Variants in ULK4 observed in about 807,000 individuals in gnomAD.
The protein encoded by ULK4 is unc-51 like kinase 4.
A neutral mutation model predicts 160.6 loss-of-function variants in ULK4; 133 were observed. The observed-to-expected ratio is 0.83, with a 90% CI of 0.72 to 0.96. ULK4 has a LOEUF of 0.96. Among genes scored for constraint, ULK4 ranks in the 40% least tolerant of loss-of-function variants. The pLI is 0.00. For synonymous variants in ULK4, 534 were observed against 539.8 expected (o/e 0.99, Z 0.15); for missense variants, 1,580 against 1,499.5 (o/e 1.05, Z -0.89).
intron 32 of ULK4, among the ~76,000 whole-genome samples, chr3:41,535,691 G>A (rs1041793346): frequency 1.3e-5 from 2 of 152,134 alleles, no homozygotes; most frequent in Non-Finnish European, 2.9e-5. Context: ...CACACTATGG[G>A]TTTGCAAACG....
chr3:41,798,752 AG>A (rs1299623380), intron 20 of ULK4, among the ~76,000 whole-genome samples: 1 of 151,524 alleles, frequency 6.6e-6, no homozygotes, highest in Admixed American at 6.6e-5. Flanking sequence ...CGTGTTGTTG[AG>A]GGGGCAGGGG....
intron 20 of ULK4, among the ~76,000 whole-genome samples, chr3:41,798,507 T>C (rs575121370): frequency 5.3e-5 from 8 of 152,282 alleles, no homozygotes; most frequent in South Asian, 4.2e-4. Flanking sequence ...TTTATATCCA[T>C]TGATCTTCAA....
chr3:41,673,459 G>A (rs1276717857), intron 29 of ULK4, among the ~76,000 whole-genome samples: 1 of 151,922 alleles, frequency 6.6e-6, no homozygotes, highest in African/African-American at 2.4e-5. Context: ...TAATTTGTAA[G>A]GAATATATCC....
At chr3:41,774,503 C>A (rs1270466701) in intron 21 of ULK4, among the ~76,000 whole-genome samples, 1 of 149,360 alleles carries the variant, frequency 6.7e-6, no homozygotes, top group Non-Finnish European at 1.5e-5. Flanking sequence ...CAGAGAAATG[C>A]AAATCAAAAC....
chr3:41,337,096 T>C (rs186957392), intron 35 of ULK4, among the ~76,000 whole-genome samples: 1 of 152,268 alleles, frequency 6.6e-6, no homozygotes, highest in African/African-American at 2.4e-5. Flanking sequence ...AGAGACTACA[T>C]GCCGCATCAT....
chr3:41,476,147 T>G (rs866298492), intron 32 of ULK4, among the ~76,000 whole-genome samples: 14 of 152,144 alleles, frequency 9.2e-5, no homozygotes, highest in South Asian at 2.1e-4. Context: ...CAGTGGTCCA[T>G]AACCCCTAAG....
intron 35 of ULK4, among the ~76,000 whole-genome samples, chr3:41,260,617 C>T (rs2078921113): frequency 6.6e-6 from 1 of 152,170 alleles, no homozygotes; most frequent in African/African-American, 2.4e-5. Flanking sequence ...AGAGGTGTCC[C>T]TAAGGATTCC....
At chr3:41,409,062 C>T (rs923792881) in intron 34 of ULK4, among the ~76,000 whole-genome samples, 6 of 151,988 alleles carry the variant, frequency 3.9e-5, no homozygotes, top group Non-Finnish European at 8.8e-5. Flanking sequence ...TTGACAACAG[C>T]CTGGGGAACG....
chr3:41,827,132 C>T (rs1299389948), intron 18 of ULK4, among the ~76,000 whole-genome samples: 1 of 144,144 alleles, frequency 6.9e-6, no homozygotes, highest in East Asian at 2.0e-4. Context: ...ACACAACATA[C>T]CAGAATACCT....
chr3:41,301,220 G>A (rs901115651), intron 35 of ULK4, among the ~76,000 whole-genome samples: 5 of 151,962 alleles, frequency 3.3e-5, no homozygotes, highest in Non-Finnish European at 7.3e-5. Flanking sequence ...ATACCCTGCA[G>A]GGATGGTGCT....
intron 16 of ULK4, among the ~76,000 whole-genome samples, chr3:41,891,465 A>G (rs532789452): frequency 6.6e-6 from 1 of 151,504 alleles, no homozygotes; most frequent in Admixed American, 6.6e-5. Flanking sequence ...AGCTAACTCA[A>G]ACAAGTCACA....
intron 27 of ULK4, among the ~76,000 whole-genome samples, chr3:41,690,504 C>G (rs2036260209): frequency 6.6e-6 from 1 of 151,434 alleles, no homozygotes; most frequent in South Asian, 2.1e-4. Context: ...AGGCCTTCTT[C>G]CTTCACAAGC....
intron 32 of ULK4, among the ~76,000 whole-genome samples, chr3:41,564,208 A>AATGCAGAACAGCAAG (rs1559398050): frequency 3.3e-5 from 5 of 151,822 alleles, no homozygotes; most frequent in Non-Finnish European, 5.9e-5. Context: ...AGAACAGCAA[A>AATGCAGAACAGCAAG]TAATGCAGAA....
intron 2 of ULK4, among the ~76,000 whole-genome samples, chr3:41,946,458 C>T (rs991106530): frequency 7.2e-5 from 11 of 152,182 alleles, no homozygotes; most frequent in African/African-American, 2.7e-4. Flanking sequence ...TTGGATATTA[C>T]ATGACTGCAT....
At chr3:41,541,124 T>A (rs1433808302) in intron 32 of ULK4, among the ~76,000 whole-genome samples, 1 of 152,216 alleles carries the variant, frequency 6.6e-6, no homozygotes, top group Non-Finnish European at 1.5e-5. Flanking sequence ...TCCTGAATGG[T>A]ATTGCTCAGG....
intron 16 of ULK4, among the ~76,000 whole-genome samples, chr3:41,892,469 TAAAC>T (rs1298592279): frequency 2.6e-5 from 4 of 152,138 alleles, no homozygotes; most frequent in African/African-American, 9.7e-5. Context: ...GATGAAAAGA[TAAAC>T]AAAATGTAGT....
chr3:41,530,668 G>T (rs915899314), intron 32 of ULK4, among the ~76,000 whole-genome samples: 1 of 152,184 alleles, frequency 6.6e-6, no homozygotes, highest in Non-Finnish European at 1.5e-5. Flanking sequence ...ATTTCACTGA[G>T]TTATGGTGGT....
intron 35 of ULK4, among the ~76,000 whole-genome samples, chr3:41,355,737 A>G (rs924664344): frequency 2.6e-5 from 4 of 152,244 alleles, no homozygotes; most frequent in Non-Finnish European, 5.9e-5. Flanking sequence ...GGAATAGTGC[A>G]TCACCACAGA....
intron 32 of ULK4, among the ~76,000 whole-genome samples, chr3:41,505,581 A>T (rs1410623273): frequency 6.6e-6 from 1 of 152,066 alleles, no homozygotes; most frequent in Non-Finnish European, 1.5e-5. Flanking sequence ...ATCATCTTTA[A>T]ATTTTTTACT....
Sources: allele counts gnomAD v4.1 joint callset (sites outside exome capture counted in the v4.1 genomes callset), GRCh38; gene constraint gnomAD v4.1.1; transcripts MANE v1.5; gene names NCBI Gene and HGNC (gene_info 2026-07-23, HGNC 2026-07-21).